Variants in TSHR observed in about 807,000 individuals in gnomAD.
TSHR encodes thyroid stimulating hormone receptor, also known as thyrotropin receptor.
In TSHR, 51 loss-of-function variants were observed where a neutral mutation model predicts 64.1. The ratio of observed to expected loss-of-function variants is 0.80; its 90% CI spans 0.64 to 1.01. The LOEUF (loss-of-function observed/expected upper bound fraction) is 1.01. Ranked by LOEUF, TSHR falls within the 50% of genes least tolerant of loss-of-function variation. The pLI is 0.00. For missense variants in TSHR, 877 were observed against 942.8 expected (o/e 0.93, Z 0.91); for synonymous variants, 361 against 361.9 (o/e 1.00, Z 0.03).
At chr14:81,046,582 A>G (rs1885178141) in intron 1 of TSHR, among the ~76,000 whole-genome samples, 1 of 152,082 alleles carries the variant, frequency 6.6e-6, no homozygotes, top group Non-Finnish European at 1.5e-5. Context: ...CTTGTGATCT[A>G]TCTTATACGT....
intron 8 of TSHR, among the ~76,000 whole-genome samples, chr14:81,115,116 A>C (rs1248262737): frequency 6.6e-6 from 1 of 152,166 alleles, no homozygotes; most frequent in Non-Finnish European, 1.5e-5. Context: ...TCTAAAAAGC[A>C]GAGTGCCTCT....
chr14:80,961,790 TA>T (rs1222267069), intron 1 of TSHR, among the ~76,000 whole-genome samples: 2 of 152,244 alleles, frequency 1.3e-5, no homozygotes, highest in African/African-American at 4.8e-5. Context: ...AATCTAATCG[TA>T]ACAATTACTT....
At chr14:81,017,475 T>C (rs559438083) in intron 1 of TSHR, among the ~76,000 whole-genome samples, 2 of 152,086 alleles carry the variant, frequency 1.3e-5, no homozygotes, top group Non-Finnish European at 2.9e-5. Context: ...TTTAAGCTAA[T>C]GTCAATCCGC....
At chr14:81,018,718 T>C (rs1241006543) in intron 1 of TSHR, among the ~76,000 whole-genome samples, 1 of 152,166 alleles carries the variant, frequency 6.6e-6, no homozygotes, top group African/African-American at 2.4e-5. Flanking sequence ...GACCTCCTCA[T>C]AGTTCCTGAA....
rs763415533 is a variant in TSHR, at chr14:81,144,236, C to G, written c.2178C>G (p.His726Gln). 6.2e-7 allele frequency: 1 copy of G among 1,613,290 alleles called. No homozygotes were observed. Among genetic ancestry groups the G allele is most frequent in the Non-Finnish European group, 8.5e-7 (1 of 1,179,510 alleles). ...STDIQVQKVT[H>Q]EMRQGLHNME... ...ATATTCAGGTTCAAAAGGTTACCCA[C>G]GAGATGAGGCAGGGTCTCCACAACA... The change falls in exon 10 of 10, where the codon CAC (histidine) becomes CAG (glutamine). Residue 726 changes from histidine (H) to glutamine (Q), a missense_variant. Coordinates refer to ENST00000298171, the MANE Select transcript of TSHR (RefSeq NM_000369.5).
chr14:81,081,933 C>A (rs1036505574), intron 3 of TSHR, among the ~76,000 whole-genome samples: 5 of 151,652 alleles, frequency 3.3e-5, no homozygotes, highest in African/African-American at 1.2e-4. Flanking sequence ...AAGGTGACTG[C>A]CTTCCATTTT....
At chr14:81,076,402 T>G (rs1887505458) in intron 3 of TSHR, among the ~76,000 whole-genome samples, 1 of 152,144 alleles carries the variant, frequency 6.6e-6, no homozygotes, top group African/African-American at 2.4e-5. Flanking sequence ...ATTCCCAAAT[T>G]TATATATCTA....
chr14:81,001,312 ACTT>A, intron 1 of TSHR: 1 of 273,576 alleles, frequency 3.7e-6, no homozygotes, highest in South Asian at 4.0e-5. Flanking sequence ...GTTCCAGATT[ACTT>A]CTCTTCAGGT....
chr14:80,961,623 G>A (rs748999657), intron 1 of TSHR, among the ~76,000 whole-genome samples: 3 of 152,182 alleles, frequency 2.0e-5, no homozygotes, highest in Non-Finnish European at 4.4e-5. Flanking sequence ...AGGTTGAGGT[G>A]AATTCTGATG....
intron 3 of TSHR, among the ~76,000 whole-genome samples, chr14:81,069,886 C>T (rs1200008007): frequency 3.3e-5 from 5 of 152,078 alleles, no homozygotes; most frequent in Admixed American, 6.5e-5. Context: ...TTTAAAATAA[C>T]TAACATGTTC....
At chr14:81,102,484 G>A (rs965664345) in intron 7 of TSHR, among the ~76,000 whole-genome samples, 6 of 152,154 alleles carry the variant, frequency 3.9e-5, no homozygotes, top group African/African-American at 7.2e-5. Flanking sequence ...TAACAAATGT[G>A]GAAACTATTT....
At chr14:81,026,330 C>A (rs1057350755) in intron 1 of TSHR, among the ~76,000 whole-genome samples, 10 of 152,102 alleles carry the variant, frequency 6.6e-5, no homozygotes, top group Non-Finnish European at 1.2e-4. Context: ...ACCACACAAT[C>A]GACATACTTG....
At chr14:81,015,604 T>C (rs1890140458) in intron 1 of TSHR, among the ~76,000 whole-genome samples, 1 of 152,196 alleles carries the variant, frequency 6.6e-6, no homozygotes, top group Non-Finnish European at 1.5e-5. Context: ...ACATATGCAT[T>C]ACCTTACATA....
chr14:81,127,618 T>C (rs1467792758), intron 8 of TSHR, among the ~76,000 whole-genome samples: 9 of 152,214 alleles, frequency 5.9e-5, no homozygotes, highest in Admixed American at 3.3e-4. Context: ...TGGGAGATAA[T>C]TGAATCATGG....
chr14:80,983,906 G>A (rs1206466810), intron 1 of TSHR, among the ~76,000 whole-genome samples: 1 of 152,172 alleles, frequency 6.6e-6, no homozygotes, highest in Non-Finnish European at 1.5e-5. Flanking sequence ...GAAAGCGAAC[G>A]AGTTCGTTGT....
intron 3 of TSHR, 42 bp downstream of exon 3, chr14:81,068,370 C>T: frequency 6.3e-7 from 1 of 1,581,644 alleles, no homozygotes; most frequent in Non-Finnish European, 8.7e-7. Context: ...AAGCCACAAC[C>T]ACTCTTGACT....
At chr14:81,097,224 A>G (rs1889265367) in intron 7 of TSHR, among the ~76,000 whole-genome samples, 1 of 152,062 alleles carries the variant, frequency 6.6e-6, no homozygotes, top group Non-Finnish European at 1.5e-5. Context: ...TTTCTTTACA[A>G]ATGATATATT....
chr14:80,999,420 T>C (rs1324455970), intron 1 of TSHR, among the ~76,000 whole-genome samples: 1 of 152,208 alleles, frequency 6.6e-6, no homozygotes, highest in Non-Finnish European at 1.5e-5. Flanking sequence ...GTATACCACA[T>C]GATCCTCCAA....
chr14:81,134,109 G>GTT (rs1411252442), intron 8 of TSHR, among the ~76,000 whole-genome samples: 6 of 151,890 alleles, frequency 4.0e-5, no homozygotes, highest in Non-Finnish European at 8.8e-5. Context: ...AAATATGCTG[G>GTT]TTTTATTTCA....
Sources: allele counts gnomAD v4.1 joint callset (sites outside exome capture counted in the v4.1 genomes callset), GRCh38; gene constraint gnomAD v4.1.1; transcripts MANE v1.5; gene names NCBI Gene and HGNC (gene_info 2026-07-23, HGNC 2026-07-21).